Variants in MPPE1 observed in about 807,000 individuals in gnomAD.
MPPE1 encodes the protein metallo phosphoesterase.
In MPPE1, 28 loss-of-function variants were observed where a neutral mutation model predicts 43.8. The observed-to-expected ratio is 0.64, with a 90% confidence interval of 0.47 to 0.88. The LOEUF (loss-of-function observed/expected upper bound fraction) is 0.88, where lower values mean the gene tolerates loss of function less well. Among genes scored for constraint, MPPE1 ranks in the 40% least tolerant of loss-of-function variants. The pLI is 0.00. For missense variants in MPPE1, 428 were observed against 492.2 expected (o/e 0.87, Z 1.23); for synonymous variants, 159 against 188.5 (o/e 0.84, Z 1.28).
chr18:11,885,176 G>T, intron 10 of MPPE1: 1 of 647,284 alleles, frequency 1.5e-6, no homozygotes, highest in Non-Finnish European at 2.2e-6. Context: ...TTTTTATGAA[G>T]TAAAAGAACC....
At chr18:11,905,055 C>T (rs1182695031) in intron 2 of MPPE1, 1 of 152,122 alleles carries the variant, frequency 6.6e-6, no homozygotes, top group African/African-American at 2.4e-5. Flanking sequence ...CCCTGTAATC[C>T]CAGCACTTTG....
chr18:11,906,643 G>T (rs2039737850), intron 1 of MPPE1, among the ~76,000 whole-genome samples: 1 of 151,956 alleles, frequency 6.6e-6, no homozygotes, highest in African/African-American at 2.4e-5. Flanking sequence ...ATCACCTGAG[G>T]TCGGGAGTTC....
chr18:11,893,360 A>G, intron 4 of MPPE1, 108 bp downstream of exon 4: 1 of 724,084 alleles, frequency 1.4e-6, no homozygotes. Flanking sequence ...TAGTAAGTAC[A>G]ACTTCCATAA....
chr18:11,884,422 A>ATAT lies in MPPE1; in HGVS notation c.*20_*22dup, dbSNP rs1354023300. On this transcript the variant is annotated 3_prime_UTR_variant, in exon 11 of 11. Coordinates refer to ENST00000588072, the MANE Select transcript of MPPE1 (RefSeq NM_023075.6). ...CCAAAGTTCCATTTCTTGGGCTTTG[A>ATAT]TATTTATAATGGCGCCTGCTCTTCA... The ATAT allele has an allele frequency of 1.4e-5, 22 of 1,607,498 alleles. No individual in the cohort carries two copies. Among genetic ancestry groups the ATAT allele is most frequent in the Non-Finnish European group, 1.9e-5 (22 of 1,175,638 alleles).
intron 1 of MPPE1, chr18:11,907,898 G>A (rs2039876744): frequency 6.6e-6 from 1 of 152,068 alleles, no homozygotes; most frequent in African/African-American, 2.4e-5. Flanking sequence ...GCACTGACCT[G>A]TAGTTTTTCT....
At chr18:11,904,532 T>G (rs2039520416) in intron 2 of MPPE1, among the ~76,000 whole-genome samples, 2 of 151,886 alleles carry the variant, frequency 1.3e-5, no homozygotes, top group South Asian at 4.2e-4. Context: ...TCGCTTAGGC[T>G]GGTGGCAAAC....
chr18:11,898,655 T>C (rs2038836035), intron 2 of MPPE1, among the ~76,000 whole-genome samples: 1 of 152,082 alleles, frequency 6.6e-6, no homozygotes, highest in African/African-American at 2.4e-5. Context: ...GGGCAACTGA[T>C]TTACCCTACC....
rs1032484157 is a variant in MPPE1 at position 11,893,474 on chromosome 18, G to A, written c.384C>T (p.Thr128=). Reference sequence around the variant, plus strand: ...CTGGAACACAGAGTCCTACCTCAGGGGTGCTCCACTTCCCTTCATCAAAGA... The same window carrying A: ...CTGGAACACAGAGTCCTACCTCAGGAGTGCTCCACTTCCCTTCATCAAAGA... ...GDIFDEGKWS[T]PEAWADDVER... Residue 128 remains threonine (T), a synonymous_variant, in exon 4 of 11, where the codon ACC becomes ACT. Coordinates refer to ENST00000588072, the MANE Select transcript of MPPE1 (RefSeq NM_023075.6). The A allele has an allele frequency of 8.7e-6, 14 of 1,611,308 alleles. No individual in the cohort carries two copies. The African/African-American group carries it at 1.5e-4, about 17-fold the overall frequency.
chr18:11,898,441 C>G (rs2038817432), intron 2 of MPPE1, among the ~76,000 whole-genome samples: 1 of 152,138 alleles, frequency 6.6e-6, no homozygotes, highest in Non-Finnish European at 1.5e-5. Context: ...CTGAAACCAC[C>G]TTTGAAAACT....
rs540212873 is a variant in MPPE1 at position 11,893,531 on chromosome 18, C to T, written c.327G>A (p.Leu109=). 2.5e-5 allele frequency: 41 copies of T among 1,614,194 alleles called. No individual in the cohort carries two copies. In the East Asian group the frequency reaches 8.5e-4, roughly 33 times the overall value. The stretch of plus-strand genomic sequence containing the variant: ...CCAGGATGAAGACGACTTCCGGCTG[C>T]AGCAACCACAGAGCTGTCTGGAACG... ...ERAFQTALWL[L]QPEVVFILGD... is the part of the protein sequence containing the mutation. The change falls in exon 4 of 11, where the codon CTG becomes CTA. Residue 109 remains leucine, a synonymous_variant. Coordinates refer to ENST00000588072, the MANE Select transcript of MPPE1 (RefSeq NM_023075.6).
chr18:11,903,547 C>CTG (rs757436779), intron 2 of MPPE1, among the ~76,000 whole-genome samples: 45 of 152,178 alleles, frequency 3.0e-4, no homozygotes, highest in Admixed American at 2.0e-4. Context: ...TGGCTCACGC[C>CTG]TGTAATCCCA....
intron 3 of MPPE1, among the ~76,000 whole-genome samples, chr18:11,896,219 T>TGCCTCC (rs1432501372): frequency 6.6e-6 from 1 of 150,422 alleles, no homozygotes; most frequent in Non-Finnish European, 1.5e-5. Flanking sequence ...CTCCTGCCTC[T>TGCCTCC]GCCTCCGGAG....
At chr18:11,900,212 G>A (rs2038997742) in intron 2 of MPPE1, among the ~76,000 whole-genome samples, 1 of 152,160 alleles carries the variant, frequency 6.6e-6, no homozygotes, top group Non-Finnish European at 1.5e-5. Context: ...CCAGGGTGAT[G>A]GTGTGCACCT....
At chr18:11,888,639 G>C in intron 6 of MPPE1, 30 bp downstream of exon 6, 1 of 1,396,178 alleles carries the variant, frequency 7.2e-7, no homozygotes, top group Non-Finnish European at 1.0e-6. Context: ...AGGACTAAAG[G>C]TCTTGGAAGA....
chr18:11,886,270 G>T lies in MPPE1; in HGVS notation c.867+229C>A. On this transcript the variant is annotated intron_variant, in intron 9 of 10. Coordinates refer to ENST00000588072, the MANE Select transcript of MPPE1 (RefSeq NM_023075.6). The surrounding 1 kb of genome is among the most constrained non-coding windows in gnomAD (Gnocchi z 4.1). ...ACAAAGAATAGCTGAGACTATTACT[G>T]ACTTGAGGGTAGGAAACAGAAGTAG... 1 of 564,326 alleles carries T rather than the reference G, an allele frequency of 1.8e-6. No individual in the cohort carries two copies. The highest frequency in any genetic ancestry group is 3.2e-5 in the East Asian group (1 of 31,526). The allele number at this position is 564,326 out of a possible 1,614,324, so 35.0% of individuals were successfully genotyped here.
At chr18:11,896,095 CTTTTTTTTTT>C (rs1178920790) in intron 3 of MPPE1, among the ~76,000 whole-genome samples, 1 of 80,420 alleles carries the variant, frequency 1.2e-5, no homozygotes, top group Non-Finnish European at 2.4e-5. Context: ...ATTCTTTATT[CTTTTTTTTTT>C]TTTTTTTTTT....
At chr18:11,892,819 T>G (rs1024970470) in intron 4 of MPPE1, among the ~76,000 whole-genome samples, 5 of 152,214 alleles carry the variant, frequency 3.3e-5, no homozygotes, top group African/African-American at 1.2e-4. Flanking sequence ...GAACAGCTCA[T>G]GTCTTCATTC....
intron 4 of MPPE1, 138 bp downstream of exon 4, chr18:11,893,330 C>A: frequency 1.7e-6 from 1 of 598,132 alleles, no homozygotes; most frequent in Non-Finnish European, 3.0e-6. Context: ...TCCAAATAGC[C>A]TACGCATTTT....
chr18:11,898,077 G>C (rs1226347314), intron 2 of MPPE1, among the ~76,000 whole-genome samples: 6 of 152,022 alleles, frequency 3.9e-5, no homozygotes, highest in Admixed American at 3.9e-4. Context: ...GTTTTGTTTT[G>C]TTTTGTTTTT....
Sources: allele counts gnomAD v4.1 joint callset (sites outside exome capture counted in the v4.1 genomes callset), GRCh38; gene constraint gnomAD v4.1.1; non-coding constraint Gnocchi (gnomAD v3.1); transcripts MANE v1.5; gene names NCBI Gene and HGNC (gene_info 2026-07-23, HGNC 2026-07-21).